The following MTF2 variants were observed in gnomAD, a reference collection of about 807,000 sequenced individuals.
MTF2 encodes metal-response element-binding transcription factor 2.
MTF2 carries 11 observed loss-of-function variants against 79.5 expected under a neutral mutation model. That is an observed-to-expected ratio of 0.14 (90% CI 0.09 to 0.23). The LOEUF is 0.23. Ranked by LOEUF, MTF2 falls within the 10% of genes least tolerant of loss-of-function variation. The probability of loss-of-function intolerance (pLI) is 1.00; values close to 1 mark genes in which losing one functional copy is unlikely to be tolerated. For synonymous variants in MTF2, 208 were observed against 232.8 expected (o/e 0.89, Z 0.97); for missense variants, 486 against 711.2 (o/e 0.68, Z 3.60).
intron 9 of MTF2, chr1:93,120,933 C>T (rs1233148079): frequency 6.1e-6 from 7 of 1,143,488 alleles, no homozygotes; most frequent in Non-Finnish European, 7.5e-6. Context: ...AAGTGAAAGT[C>T]ATTGTAGTTA....
intron 1 of MTF2, among the ~76,000 whole-genome samples, chr1:93,106,067 G>A (rs1243259838): frequency 4.0e-5 from 6 of 151,368 alleles, no homozygotes; most frequent in Non-Finnish European, 5.9e-5. Context: ...GGGAAAAAAT[G>A]AGGAGGTGGT....
At chr1:93,110,156 A>G (rs1655970211) in intron 1 of MTF2, 74 bp from the exon 2 acceptor site, 7 of 1,367,360 alleles carry the variant, frequency 5.1e-6, no homozygotes, top group Non-Finnish European at 6.1e-6. Context: ...TTTGATTAAC[A>G]TATAAAATAT....
intron 1 of MTF2, among the ~76,000 whole-genome samples, chr1:93,109,092 A>G (rs1388664080): frequency 1.3e-5 from 2 of 151,996 alleles, no homozygotes. Context: ...TTTTATTTTT[A>G]CTAAACTTTT....
chr1:93,087,529 A>G (rs2785605), intron 1 of MTF2, among the ~76,000 whole-genome samples: 121,314 of 151,188 alleles, frequency 0.8, 51,386 homozygotes, highest in East Asian at 0.93. Flanking sequence ...CGGAGATGGT[A>G]CCATTGCATG....
intron 3 of MTF2, 28 bp downstream of exon 3, chr1:93,110,654 G>T (rs761407165): frequency 6.5e-7 from 1 of 1,537,778 alleles, no homozygotes. Flanking sequence ...TCTTGAACAT[G>T]ATTTAAATTA....
Position 93,137,076 on chromosome 1 carries a change from C to A in MTF2, c.*49C>A. ...ACTGCACTCTGATTTTCTGTAGGTA[C>A]AGTTCAAAGCCCTAAAGGAGTCTGG... On this transcript the variant is annotated 3_prime_UTR_variant, in exon 15 of 15. Coordinates refer to ENST00000370298, the MANE Select transcript of MTF2 (RefSeq NM_007358.4). The A allele has an allele frequency of 2.8e-6, 4 of 1,432,908 alleles. No homozygotes were observed. Among genetic ancestry groups the A allele is most frequent in the Non-Finnish European group, 3.9e-6 (4 of 1,037,078 alleles). 88.8% of individuals were successfully genotyped at this position (1,432,908 alleles called of 1,614,324 possible). A position where few individuals can be genotyped will look rare whatever the true frequency, so the allele number is the denominator to read the frequency against.
At chr1:93,109,027 A>G (rs1655921284) in intron 1 of MTF2, among the ~76,000 whole-genome samples, 1 of 152,194 alleles carries the variant, frequency 6.6e-6, no homozygotes, top group Non-Finnish European at 1.5e-5. Flanking sequence ...TTGAAGTTAG[A>G]TATTCCTAAT....
In MTF2 at chr1:93,079,376, C is replaced by T; in HGVS notation, c.-151C>T. ...CGCTCATTCTACCCCCAACCCTTGT[C>T]TCCAAGGACCTCGGTTTGTGCGTGC... On this transcript the variant is annotated 5_prime_UTR_variant, in exon 1 of 15. Transcript: ENST00000370298. The T allele has an allele frequency of 5.4e-6, 5 of 918,128 alleles. No individual in the cohort carries two copies. The highest frequency in any genetic ancestry group is 2.6e-4 in the Middle Eastern group (1 of 3,920). The allele number at this position is 918,128 out of a possible 1,614,324, so 56.9% of individuals were successfully genotyped here.
chr1:93,098,002 C>T (rs1655367798), intron 1 of MTF2, among the ~76,000 whole-genome samples: 1 of 152,006 alleles, frequency 6.6e-6, no homozygotes, highest in Admixed American at 6.6e-5. Context: ...CGATGTGTGC[C>T]AGGTACAGGG....
intron 1 of MTF2, among the ~76,000 whole-genome samples, chr1:93,084,914 T>C (rs1032956406): frequency 3.3e-5 from 5 of 152,132 alleles, no homozygotes; most frequent in Non-Finnish European, 5.9e-5. Context: ...TTTGAACATA[T>C]AGAAACAAAG....
intron 1 of MTF2, among the ~76,000 whole-genome samples, chr1:93,106,974 C>T (rs905663210): frequency 6.6e-6 from 1 of 152,206 alleles, no homozygotes; most frequent in South Asian, 2.1e-4. Flanking sequence ...ATTTTTACTT[C>T]TGTTCTCTTG....
chr1:93,092,776 T>C (rs1279803436), intron 1 of MTF2, among the ~76,000 whole-genome samples: 1 of 152,326 alleles, frequency 6.6e-6, no homozygotes, highest in African/African-American at 2.4e-5. Context: ...AGTATAGTTA[T>C]ATAAAACATT....
intron 1 of MTF2, among the ~76,000 whole-genome samples, chr1:93,101,568 G>GTTTGTTTTTTTTT: frequency 3.9e-5 from 1 of 25,398 alleles, no homozygotes; most frequent in Non-Finnish European, 6.6e-5. Flanking sequence ...GCTCAGGCTG[G>GTTTGTTTTTTTTT]TTTTTTTTTT....
In MTF2 at chr1:93,127,263, A is replaced by G. The variant is rs376077677; in HGVS notation, c.953A>G (p.Glu318Gly). 3 of 1,612,814 alleles carry G rather than the reference A, an allele frequency of 1.9e-6. No individual in the cohort carries two copies. In the African/African-American group the frequency reaches 4.0e-5, roughly 22 times the overall value. Residue 318 changes from glutamate (E) to glycine (G), a missense_variant, in exon 10 of 15, where the codon GAG becomes GGG. By Grantham distance (98) the Glu-to-Gly change is moderately conservative. Coordinates refer to ENST00000370298, the MANE Select transcript of MTF2 (RefSeq NM_007358.4). The part of the protein sequence containing the change: ...LADTPKSERY[E>G]HVLEALNDYK... ...GACACACCAAAATCTGAAAGATATGAGCATGTTCTGGAGGCATTAAATGAT... is the reference window on the plus strand; with the variant it reads ...GACACACCAAAATCTGAAAGATATGGGCATGTTCTGGAGGCATTAAATGAT...
chr1:93,095,934 G>A (rs568676662), intron 1 of MTF2, among the ~76,000 whole-genome samples: 69 of 152,196 alleles, frequency 4.5e-4, no homozygotes, highest in South Asian at 2.3e-3. Flanking sequence ...GATTGCAGGC[G>A]TGAGCCCCTG....
At chr1:93,115,785 G>A (rs1000280735) in intron 6 of MTF2, among the ~76,000 whole-genome samples, 167 bp downstream of exon 6, 1 of 152,192 alleles carries the variant, frequency 6.6e-6, no homozygotes, top group Non-Finnish European at 1.5e-5. Context: ...TTTTCATCTA[G>A]TTTTTGATCA....
At chr1:93,085,167 C>T (rs562372333) in intron 1 of MTF2, among the ~76,000 whole-genome samples, 1 of 151,508 alleles carries the variant, frequency 6.6e-6, no homozygotes, top group Non-Finnish European at 1.5e-5. Context: ...ATCCTAATTA[C>T]ATTACCTTTT....
chr1:93,115,440 C>G, intron 5 of MTF2, 30 bp from the exon 6 acceptor site: 2 of 1,480,640 alleles, frequency 1.4e-6, no homozygotes, highest in Non-Finnish European at 1.8e-6. Flanking sequence ...TTAGCCTTCA[C>G]TCTTTCACAT....
intron 1 of MTF2, among the ~76,000 whole-genome samples, chr1:93,092,864 G>A (rs1655127178): frequency 6.6e-6 from 1 of 152,122 alleles, no homozygotes; most frequent in Admixed American, 6.6e-5. Flanking sequence ...CCACAAAGTA[G>A]TGGTGAGGGT....
Sources: allele counts gnomAD v4.1 joint callset (sites outside exome capture counted in the v4.1 genomes callset), GRCh38; gene constraint gnomAD v4.1.1; transcripts MANE v1.5; gene names NCBI Gene and HGNC (gene_info 2026-07-23, HGNC 2026-07-21).